The following NCOA2 variants were observed in gnomAD, a reference collection of about 807,000 sequenced individuals.
The protein encoded by NCOA2 is class E basic helix-loop-helix protein 75.
NCOA2 carries 21 observed loss-of-function variants against 145.1 expected under a neutral mutation model. The observed-to-expected ratio is 0.14, with a 90% confidence interval of 0.10 to 0.21. NCOA2 has a LOEUF of 0.21. Ranked by LOEUF, NCOA2 falls within the 10% of genes least tolerant of loss-of-function variation. The probability of loss-of-function intolerance (pLI) is 1.00; values close to 1 mark genes in which losing one functional copy is unlikely to be tolerated. For synonymous variants in NCOA2, 619 were observed against 637.5 expected, an observed-to-expected ratio of 0.97 and a Z score of 0.44; for missense variants, 1,472 against 1,837.6, an observed-to-expected ratio of 0.80 and a Z score of 3.64.
chr8:70,383,445 A>G (rs1812388116), intron 1 of NCOA2, among the ~76,000 whole-genome samples: 1 of 152,182 alleles, frequency 6.6e-6, no homozygotes, highest in African/African-American at 2.4e-5. Context: ...GAAATCCAAC[A>G]TTTTAAATGG....
chr8:70,194,391 T>A (rs1817034729), intron 4 of NCOA2, among the ~76,000 whole-genome samples: 1 of 152,306 alleles, frequency 6.6e-6, no homozygotes, highest in South Asian at 2.1e-4. Flanking sequence ...ACAGTGACTA[T>A]CTGCAAAGTC....
intron 2 of NCOA2, among the ~76,000 whole-genome samples, chr8:70,282,771 G>A (rs879932586): frequency 9.2e-5 from 14 of 151,414 alleles, no homozygotes; most frequent in East Asian, 3.9e-4. Flanking sequence ...TCCATGATTC[G>A]TTCAATATTG....
chr8:70,345,797 G>A (rs942031046), intron 1 of NCOA2, among the ~76,000 whole-genome samples: 5 of 152,112 alleles, frequency 3.3e-5, no homozygotes, highest in African/African-American at 1.2e-4. Context: ...AAAGGATACA[G>A]GAAAACATGA....
intron 1 of NCOA2, among the ~76,000 whole-genome samples, chr8:70,359,661 T>C (rs963446436): frequency 2.6e-5 from 4 of 152,164 alleles, no homozygotes; most frequent in African/African-American, 7.2e-5. Flanking sequence ...CAAAATATTA[T>C]GCATGTACCA....
chr8:70,442,144 A>AAAGAAAGAAAGGAAGG, the NCOA2 span, among the ~76,000 whole-genome samples: 2 of 128,410 alleles, frequency 1.6e-5, no homozygotes, highest in African/African-American at 6.2e-5. Flanking sequence ...AGAAAGAAAG[A>AAAGAAAGAAAGGAAGG]AAGAAAGAAA....
At chr8:70,144,593 T>C (rs1326833554) in intron 13 of NCOA2, 49 bp downstream of exon 13, 4 of 1,461,406 alleles carry the variant, frequency 2.7e-6, no homozygotes, top group Admixed American at 3.4e-5. Context: ...AAATATACCA[T>C]TAAATTAAAT....
intron 2 of NCOA2, among the ~76,000 whole-genome samples, chr8:70,230,059 G>A (rs940012164): frequency 1.3e-5 from 2 of 152,122 alleles, no homozygotes; most frequent in Admixed American, 6.6e-5. Flanking sequence ...CCAGAATAAG[G>A]AATAGCTCTT....
intron 1 of NCOA2, among the ~76,000 whole-genome samples, chr8:70,397,480 A>G (rs1255658226): frequency 2.0e-5 from 3 of 149,878 alleles, no homozygotes; most frequent in Non-Finnish European, 3.0e-5. Flanking sequence ...AAAAAAAAAG[A>G]GCAAGAACAA....
At chr8:70,220,618 C>G (rs1411073149) in intron 2 of NCOA2, among the ~76,000 whole-genome samples, 1 of 152,054 alleles carries the variant, frequency 6.6e-6, no homozygotes, top group African/African-American at 2.4e-5. Flanking sequence ...CCAGTTGAAT[C>G]CTTAGCATAA....
At chr8:70,386,879 C>T (rs1399388235) in intron 1 of NCOA2, among the ~76,000 whole-genome samples, 1 of 152,060 alleles carries the variant, frequency 6.6e-6, no homozygotes, top group Non-Finnish European at 1.5e-5. Flanking sequence ...AGGCAGTATA[C>T]TTAACCATTA....
At chr8:70,346,543 A>G (rs962497670) in intron 1 of NCOA2, among the ~76,000 whole-genome samples, 1 of 152,222 alleles carries the variant, frequency 6.6e-6, no homozygotes, top group Non-Finnish European at 1.5e-5. Flanking sequence ...AAACACTGTC[A>G]TAAGAAACTA....
At chr8:70,220,944 TGCTA>T (rs1820081716) in intron 2 of NCOA2, among the ~76,000 whole-genome samples, 1 of 152,216 alleles carries the variant, frequency 6.6e-6, no homozygotes, top group African/African-American at 2.4e-5. Context: ...TGATCCTGAC[TGCTA>T]GCTCCAATAA....
At chr8:70,330,678 GAA>G (rs1319595039) in intron 1 of NCOA2, among the ~76,000 whole-genome samples, 2 of 151,684 alleles carry the variant, frequency 1.3e-5, no homozygotes, top group Non-Finnish European at 2.9e-5. Flanking sequence ...TTAAAATTTG[GAA>G]AAGTCTTATG....
chr8:70,412,397 T>TTA, the NCOA2 span, among the ~76,000 whole-genome samples: 222 of 148,958 alleles, frequency 1.5e-3, no homozygotes, highest in African/African-American at 4.7e-3. Flanking sequence ...ACAACATATT[T>TTA]TATATATATA....
the NCOA2 span, among the ~76,000 whole-genome samples, chr8:70,455,149 A>C: frequency 0.014 from 2,062 of 152,300 alleles, 50 homozygotes; most frequent in African/African-American, 0.046. Context: ...TGAGCAAATA[A>C]ATACTTTTTT....
At chr8:70,388,202 A>G (rs1812846522) in intron 1 of NCOA2, among the ~76,000 whole-genome samples, 1 of 152,266 alleles carries the variant, frequency 6.6e-6, no homozygotes, top group Non-Finnish European at 1.5e-5. Context: ...TGCTTTCCCT[A>G]TATTCAAAAT....
At chr8:70,437,638 A>G in the NCOA2 span, among the ~76,000 whole-genome samples, 3 of 152,222 alleles carry the variant, frequency 2.0e-5, no homozygotes, top group Non-Finnish European at 4.4e-5. Flanking sequence ...ACATTCATGG[A>G]TAGATTTCTC....
At chr8:70,227,487 C>T (rs1421302285) in intron 2 of NCOA2, among the ~76,000 whole-genome samples, 1 of 152,120 alleles carries the variant, frequency 6.6e-6, no homozygotes, top group Non-Finnish European at 1.5e-5. Context: ...CTGTTTTCCA[C>T]CACACTTCTA....
intron 2 of NCOA2, among the ~76,000 whole-genome samples, chr8:70,228,169 A>AT (rs1253815210): frequency 1.3e-5 from 2 of 152,126 alleles, no homozygotes; most frequent in Non-Finnish European, 2.9e-5. Context: ...TAATTTAACA[A>AT]TTTTTTCTCC....
Sources: allele counts gnomAD v4.1 joint callset (sites outside exome capture counted in the v4.1 genomes callset), GRCh38; gene constraint gnomAD v4.1.1; transcripts MANE v1.5; gene names NCBI Gene and HGNC (gene_info 2026-07-23, HGNC 2026-07-21).